The following MED15 variants were observed in gnomAD, a reference collection of about 807,000 sequenced individuals.
The protein encoded by MED15 is mediator of RNA polymerase II transcription subunit 15.
Under a neutral mutation model 118.7 loss-of-function variants are expected in MED15, and 41 were observed. The observed-to-expected ratio is 0.35, with a 90% CI of 0.27 to 0.45. The LOEUF is 0.45. Ranked by LOEUF, MED15 falls within the 20% of genes least tolerant of loss-of-function variation. The pLI, the probability that MED15 is intolerant of heterozygous loss-of-function variation, is 1.00. For missense variants in MED15, 740 were observed against 1,025.5 expected, an observed-to-expected ratio of 0.72 and a Z score of 3.80; for synonymous variants, 436 against 413.9, an observed-to-expected ratio of 1.05 and a Z score of -0.65.
chr22:20,547,394 A>G (rs2055586154), intron 2 of MED15, among the ~76,000 whole-genome samples: 1 of 152,292 alleles, frequency 6.6e-6, no homozygotes, highest in East Asian at 1.9e-4. Context: ...TAGATTTGCT[A>G]TACTTTTCAT....
At chr22:20,584,302 G>C in intron 13 of MED15, 57 bp from the exon 14 acceptor site, 1 of 1,572,932 alleles carries the variant, frequency 6.4e-7, no homozygotes, top group Middle Eastern at 2.0e-4. Context: ...TTGGGATCCT[G>C]AGCCTGAGAA....
chr22:20,568,729 T>G, intron 8 of MED15, 98 bp downstream of exon 8: 1 of 1,520,488 alleles, frequency 6.6e-7, no homozygotes, highest in Admixed American at 2.0e-5. Flanking sequence ...GATTAGGGGC[T>G]GGGGGCTAAG....
chr22:20,554,840 T>C, intron 4 of MED15, 96 bp from the exon 5 acceptor site: 1 of 1,217,132 alleles, frequency 8.2e-7, no homozygotes, highest in South Asian at 1.4e-5. Flanking sequence ...AGCCTGTAGG[T>C]AGGCGAGATC....
chr22:20,572,269 G>A (rs2056687579), intron 8 of MED15, among the ~76,000 whole-genome samples: 1 of 152,226 alleles, frequency 6.6e-6, no homozygotes, highest in African/African-American at 2.4e-5. Context: ...TGGACATCAG[G>A]ACGTGGTGAC....
intron 1 of MED15, among the ~76,000 whole-genome samples, chr22:20,513,267 C>T (rs2054138539): frequency 1.4e-5 from 2 of 138,056 alleles, no homozygotes; most frequent in Non-Finnish European, 3.1e-5. Context: ...CACTTGTTAG[C>T]CTTTCTTTTT....
chr22:20,551,523 C>G (rs1219711163), intron 3 of MED15, 36 bp downstream of exon 3: 3 of 1,598,260 alleles, frequency 1.9e-6, no homozygotes, highest in Non-Finnish European at 2.6e-6. Context: ...TTGTTGAGAT[C>G]TCTGTGAGAG....
intron 2 of MED15, among the ~76,000 whole-genome samples, chr22:20,543,234 C>T (rs1437636853): frequency 5.0e-5 from 5 of 101,004 alleles, no homozygotes; most frequent in Admixed American, 4.7e-4. Context: ...TTTTTGGAGA[C>T]GGAGTCTCAC....
chr22:20,586,815 C>A lies in MED15; in HGVS notation c.*111C>A, dbSNP rs1322431191. The stretch of plus-strand genomic sequence containing the variant: ...GAGAGCCTGGGGTTAGGTTAGCTTT[C>A]CTGCTTTTATCTTCTGCCTTGGGGA... On this transcript the variant is annotated 3_prime_UTR_variant, in exon 18 of 18. Coordinates refer to ENST00000263205, the MANE Select transcript of MED15 (RefSeq NM_001003891.3). 34 of 1,451,976 alleles carry A rather than the reference C, an allele frequency of 2.3e-5. No individual in the cohort carries two copies. Among genetic ancestry groups the A allele is most frequent in the Non-Finnish European group, 2.9e-5 (31 of 1,081,504 alleles). 89.9% of individuals were successfully genotyped at this position (1,451,976 alleles called of 1,614,324 possible).
intron 1 of MED15, chr22:20,508,342 G>A (rs1421341193): frequency 7.7e-7 from 1 of 1,304,290 alleles, no homozygotes; most frequent in Admixed American, 2.3e-5. Context: ...GGGGTCAGTG[G>A]CCCCGCTCAG....
chr22:20,550,080 A>G (rs2055709453), intron 2 of MED15, among the ~76,000 whole-genome samples: 1 of 152,152 alleles, frequency 6.6e-6, no homozygotes, highest in African/African-American at 2.4e-5. Context: ...TGAGGTGTTG[A>G]CCTGGCTGGC....
At chr22:20,527,956 CAAAAAAAA>C (rs763536363) in intron 1 of MED15, among the ~76,000 whole-genome samples, 1 of 94,592 alleles carries the variant, frequency 1.1e-5, no homozygotes, top group Non-Finnish European at 2.2e-5. Context: ...GACTCCGTCT[CAAAAAAAA>C]AAAAAAAAAA....
In MED15 at chr22:20,567,585, G is replaced by A. The variant is rs557704295; in HGVS notation, c.1041+768G>A. Among the ~76,000 whole-genome samples the A allele has an allele frequency of 4.6e-5, 7 of 152,332 alleles. No individual in the cohort carries two copies. The East Asian group carries it at 9.6e-4, about 21-fold the overall frequency. ...ATGCTCACTCATCTGTCACCTGGGA[G>A]TCGACACACTGCCTGACCCCGGGGA... On this transcript the variant is annotated intron_variant, in intron 7 of 17. Transcript: ENST00000263205.
In MED15 at chr22:20,555,147, G is replaced by A; in HGVS notation, c.450G>A (p.Gln150=). The change falls in exon 5 of 18, where the codon CAG becomes CAA. Residue 150 remains glutamine, a splice_region_variant and synonymous_variant. Transcript: ENST00000263205. ...CTGTCGTGTCTACGGCAACTCCACA[G>A]AGTGAGTACCACACTTCTTGGAGGA... ...SMAVVSTATP[Q]TQLQLQQVAL... 1 of 1,594,492 alleles carries A rather than the reference G, an allele frequency of 6.3e-7. No individual in the cohort carries two copies. The highest frequency in any genetic ancestry group is 8.5e-7 in the Non-Finnish European group (1 of 1,171,230).
At chr22:20,551,301 G>T in intron 2 of MED15, 135 bp from the exon 3 acceptor site, 1 of 836,826 alleles carries the variant, frequency 1.2e-6, no homozygotes, top group Non-Finnish European at 2.1e-6. Context: ...TTCCAGAGGA[G>T]GCCGAGCAAG....
rs147003946 is a variant in MED15, at chr22:20,549,053, G to A, written c.157-2383G>A. 3.4e-3 allele frequency among the ~76,000 whole-genome samples: 515 copies of A among 152,224 alleles called. 1 individual carries two copies. Among genetic ancestry groups the A allele is most frequent in the Non-Finnish European group, 5.7e-3 (387 of 68,016 alleles). On this transcript the variant is annotated intron_variant, in intron 2 of 17. Coordinates refer to ENST00000263205, the MANE Select transcript of MED15 (RefSeq NM_001003891.3). ...TGGCCTCAAGGGACCCTCCTGCCTT[G>A]GCTTCCCAAAATGTTGGAATAATAG...
rs2057143029 is a variant in MED15 at position 20,586,601 on chromosome 22, G to A, written c.2264G>A (p.Cys755Tyr). Residue 755 changes from cysteine to tyrosine, a missense_variant, in exon 18 of 18, where the codon TGC becomes TAC. Physicochemically the swap from Cys to Tyr is radical, Grantham distance 194. Coordinates refer to ENST00000263205, the MANE Select transcript of MED15 (RefSeq NM_001003891.3). The part of the protein sequence containing the change: ...ANPFLQSVHR[C>Y]MTSRLLQLPD... ...CCCTTCCTCCAGTCGGTGCACCGCT[G>A]CATGACCTCCAGGCTGCTGCAGCTC... 1.2e-6 allele frequency: 2 copies of A among 1,612,878 alleles called. No homozygotes were observed. Among genetic ancestry groups the A allele is most frequent in the Admixed American group, 3.3e-5 (2 of 60,002 alleles).
chr22:20,519,021 T>G (rs1331475574), intron 1 of MED15: 1 of 351,278 alleles, frequency 2.8e-6, no homozygotes, highest in South Asian at 2.1e-5. Context: ...CCCGGCTAAT[T>G]TGTGTAATTT....
chr22:20,568,687 C>T lies in MED15; in HGVS notation c.1152+56C>T, dbSNP rs889229738. On this transcript the variant is annotated intron_variant, in intron 8 of 17. Coordinates refer to ENST00000263205, the MANE Select transcript of MED15 (RefSeq NM_001003891.3). Reference sequence around the variant, plus strand: ...TCATCAGCAGGTGCATGTTCACCTGCGCATGTAGTGCTACAGTGAGGGTTC... The same window carrying T: ...TCATCAGCAGGTGCATGTTCACCTGTGCATGTAGTGCTACAGTGAGGGTTC... 78 of 1,584,246 alleles carry T rather than the reference C, an allele frequency of 4.9e-5. No individual in the cohort carries two copies. The Middle Eastern group carries it at 5.0e-4, about 10-fold the overall frequency.
In MED15 at chr22:20,539,326, G is replaced by A. The variant is rs149806467; in HGVS notation, c.156+2122G>A. Reference sequence around the variant, plus strand: ...GTCTGGGGCTATGTTGGCCAGGCTGGTCTCAAACTCCTGACCTCAGGTGAT... The same window carrying A: ...GTCTGGGGCTATGTTGGCCAGGCTGATCTCAAACTCCTGACCTCAGGTGAT... On this transcript the variant is annotated intron_variant, in intron 2 of 17. Transcript: ENST00000263205. Among the ~76,000 whole-genome samples the A allele has an allele frequency of 6.2e-3, 936 of 152,178 alleles. 10 individuals are homozygous for A. Among genetic ancestry groups the A allele is most frequent in the African/African-American group, 0.021 (890 of 41,518 alleles).
Sources: gnomAD v4.1 joint callset for allele counts (sites outside exome capture counted in the v4.1 genomes callset) on GRCh38, gnomAD v4.1.1 for gene constraint, MANE v1.5 for transcripts, NCBI Gene and HGNC (gene_info 2026-07-23, HGNC 2026-07-21) for gene names.